The following RNGTT variants were observed in gnomAD, a reference collection of about 807,000 sequenced individuals.
RNGTT encodes the protein mRNA-capping enzyme.
In RNGTT, 33 loss-of-function variants were observed where a neutral mutation model predicts 79.3. The observed-to-expected ratio is 0.42, with a 90% CI of 0.32 to 0.56. The LOEUF is 0.56. RNGTT is among the 20% of genes least tolerant of loss of function. The pLI is 0.17. For synonymous variants in RNGTT, 222 were observed against 235.9 expected (o/e 0.94, Z 0.54); for missense variants, 497 against 739.1 (o/e 0.67, Z 3.80).
At chr6:88,734,465 C>T (rs866667692) in intron 13 of RNGTT, among the ~76,000 whole-genome samples, 13 of 152,110 alleles carry the variant, frequency 8.5e-5, no homozygotes, top group South Asian at 4.2e-4. Flanking sequence ...TGATATTAAT[C>T]CAACGATATC....
chr6:88,938,340 G>A (rs1403513634), intron 2 of RNGTT, among the ~76,000 whole-genome samples: 1 of 152,118 alleles, frequency 6.6e-6, no homozygotes, highest in Non-Finnish European at 1.5e-5. Flanking sequence ...TCTGATATAA[G>A]TTTAGCTACT....
intron 14 of RNGTT, among the ~76,000 whole-genome samples, chr6:88,641,802 T>C (rs1222980235): frequency 6.6e-6 from 1 of 152,222 alleles, no homozygotes; most frequent in Non-Finnish European, 1.5e-5. Context: ...CAACACTCTT[T>C]CTGAGCATAA....
chr6:88,930,475 GA>G (rs1263178404), intron 2 of RNGTT, among the ~76,000 whole-genome samples: 1 of 151,586 alleles, frequency 6.6e-6, no homozygotes, highest in African/African-American at 2.4e-5. Context: ...TGTTTGGGGG[GA>G]AAAAGATTAA....
chr6:88,814,969 C>T (rs994574258), intron 11 of RNGTT, among the ~76,000 whole-genome samples: 1 of 152,112 alleles, frequency 6.6e-6, no homozygotes, highest in Non-Finnish European at 1.5e-5. Context: ...CTGGCCTTTG[C>T]CCTCAGCTAC....
chr6:88,643,156 GA>G (rs946196941), intron 14 of RNGTT, among the ~76,000 whole-genome samples: 2 of 151,112 alleles, frequency 1.3e-5, no homozygotes, highest in South Asian at 2.1e-4. Flanking sequence ...TTACATTTGG[GA>G]AAAAAAATCA....
At chr6:88,646,429 G>A (rs1339597020) in intron 14 of RNGTT, among the ~76,000 whole-genome samples, 1 of 152,244 alleles carries the variant, frequency 6.6e-6, no homozygotes, top group Non-Finnish European at 1.5e-5. Flanking sequence ...GTGGAAGTCA[G>A]TGTGGTGATT....
intron 8 of RNGTT, among the ~76,000 whole-genome samples, chr6:88,888,208 T>A (rs746478773): frequency 7.2e-5 from 11 of 152,006 alleles, no homozygotes; most frequent in Non-Finnish European, 1.5e-4. Flanking sequence ...TATGCCTCAA[T>A]CCCAAATCCC....
At chr6:88,935,006 T>C (rs1784622451) in intron 2 of RNGTT, among the ~76,000 whole-genome samples, 1 of 152,232 alleles carries the variant, frequency 6.6e-6, no homozygotes, top group South Asian at 2.1e-4. Context: ...ACTGAACCAA[T>C]GTCCCACGGT....
chr6:88,728,909 C>T (rs62429110), intron 13 of RNGTT, among the ~76,000 whole-genome samples: 3,461 of 152,266 alleles, frequency 0.023, 49 homozygotes, highest in Middle Eastern at 0.058. Flanking sequence ...ATATTCCCTC[C>T]GCACGTTAAA....
intron 13 of RNGTT, among the ~76,000 whole-genome samples, chr6:88,720,503 TG>T (rs1776672791): frequency 6.6e-6 from 1 of 152,016 alleles, no homozygotes; most frequent in Admixed American, 6.6e-5. Flanking sequence ...ATCCAAACCC[TG>T]GACTTAATTA....
intron 12 of RNGTT, among the ~76,000 whole-genome samples, chr6:88,790,960 G>A (rs963369793): frequency 1.3e-5 from 2 of 152,150 alleles, no homozygotes; most frequent in Non-Finnish European, 2.9e-5. Flanking sequence ...GCTATCCATC[G>A]GAAACGTCTT....
At chr6:88,639,010 G>C (rs145524190) in intron 14 of RNGTT, among the ~76,000 whole-genome samples, 247 of 152,128 alleles carry the variant, frequency 1.6e-3, no homozygotes, top group African/African-American at 5.4e-3. Flanking sequence ...AATTTTGACT[G>C]TTACTCTGTT....
chr6:88,771,454 T>C (rs1778680331), intron 12 of RNGTT, among the ~76,000 whole-genome samples: 1 of 151,384 alleles, frequency 6.6e-6, no homozygotes, highest in African/African-American at 2.4e-5. Context: ...TATAACTTTA[T>C]ACATTTTGAA....
intron 8 of RNGTT, among the ~76,000 whole-genome samples, chr6:88,866,064 G>A (rs1782155153): frequency 6.6e-6 from 1 of 152,096 alleles, no homozygotes; most frequent in African/African-American, 2.4e-5. Flanking sequence ...TCAACTAACA[G>A]TTTGGGGAAG....
intron 13 of RNGTT, among the ~76,000 whole-genome samples, chr6:88,679,279 T>TTTGCTATG (rs1319942191): frequency 1.3e-5 from 2 of 152,138 alleles, no homozygotes; most frequent in African/African-American, 4.8e-5. Flanking sequence ...TATGAAGGGA[T>TTTGCTATG]CTGGAAAAGT....
chr6:88,707,723 A>G (rs1355805315), intron 13 of RNGTT, among the ~76,000 whole-genome samples: 1 of 133,934 alleles, frequency 7.5e-6, no homozygotes, highest in Non-Finnish European at 1.5e-5. Flanking sequence ...CTTCCCTAAC[A>G]TTAAAAAAAA....
intron 14 of RNGTT, among the ~76,000 whole-genome samples, chr6:88,652,355 G>A (rs1278374185): frequency 1.3e-5 from 2 of 151,952 alleles, no homozygotes; most frequent in Non-Finnish European, 2.9e-5. Flanking sequence ...TTATTTATAG[G>A]CAATTAATTC....
chr6:88,644,860 A>G (rs1391349715), intron 14 of RNGTT, among the ~76,000 whole-genome samples: 1 of 152,224 alleles, frequency 6.6e-6, no homozygotes, highest in Admixed American at 6.5e-5. Flanking sequence ...TCTCAAAACA[A>G]TAAGAGCTAT....
chr6:88,670,703 G>C (rs116169235), intron 14 of RNGTT, among the ~76,000 whole-genome samples: 1 of 152,276 alleles, frequency 6.6e-6, no homozygotes, highest in African/African-American at 2.4e-5. Flanking sequence ...GAAACTTTCT[G>C]TTCTGTTCTG....
Sources: gnomAD v4.1 joint callset for allele counts (sites outside exome capture counted in the v4.1 genomes callset) on GRCh38, gnomAD v4.1.1 for gene constraint, MANE v1.5 for transcripts, NCBI Gene and HGNC (gene_info 2026-07-23, HGNC 2026-07-21) for gene names.